Variants in LYPD2 observed in about 807,000 individuals in gnomAD.
LYPD2 encodes LY6/PLAUR domain containing 2.
In LYPD2, 5 loss-of-function variants were observed where a neutral mutation model predicts 7.1. The ratio of observed to expected loss-of-function variants is 0.70; its 90% CI spans 0.37 to 1.48. The LOEUF (loss-of-function observed/expected upper bound fraction) is 1.48. Ranked by LOEUF, LYPD2 falls within the 40% of genes most tolerant of loss-of-function variation. LYPD2 has a pLI of 0.03. For missense variants in LYPD2, 177 were observed against 171.0 expected (o/e 1.04, Z -0.20); for synonymous variants, 78 against 82.0 (o/e 0.95, Z 0.26).
chr8:142,750,200 G>T lies in LYPD2; in HGVS notation c.*83C>A. On this transcript the variant is annotated 3_prime_UTR_variant, in exon 3 of 3. Transcript: ENST00000359228. ...AGGGCAGGTCTGTGCCCAGAAAGGA[G>T]ACTCAGGAGTCCTGGTGCAGGGGGC... The T allele has an allele frequency of 8.1e-7, 1 of 1,233,364 alleles. No individual in the cohort carries two copies. The highest frequency in any genetic ancestry group is 1.1e-6 in the Non-Finnish European group (1 of 875,974). 76.4% of individuals were successfully genotyped at this position (1,233,364 alleles called of 1,614,324 possible).
At position 142,752,474 on chromosome 8, in the gene LYPD2, C is replaced by T. The variant is rs1011473830; in HGVS notation, c.-23G>A. 6.2e-7 allele frequency: 1 copy of T among 1,612,560 alleles called. No individual in the cohort carries two copies. The highest frequency in any genetic ancestry group is 1.7e-5 in the Admixed American group (1 of 59,974). On this transcript the variant is annotated 5_prime_UTR_variant, in exon 1 of 3. Coordinates refer to ENST00000359228, the MANE Select transcript of LYPD2 (RefSeq NM_205545.3). The stretch of plus-strand genomic sequence containing the variant: ...CATGGTCCCGGCCCACTCCTCTGTG[C>T]TCTCACCCCAGGCTTGCCTGGCGGG...
Position 142,751,108 on chromosome 8 carries a change from C to A in LYPD2, c.121G>T (p.Ala41Ser), listed in dbSNP as rs192544170. 1.2e-6 allele frequency: 2 copies of A among 1,614,162 alleles called. No homozygotes were observed. Among genetic ancestry groups the A allele is most frequent in the East Asian group, 4.5e-5 (2 of 44,882 alleles). ...PTGVSDCVTI[A>S]TCTTNETMCK... ...ATGGTTTCGTTGGTGGTGCAGGTGG[C>A]GATGGTGACACAGTCCGACACTCCT... Residue 41 changes from alanine (A) to serine (S), a missense_variant, in exon 2 of 3, where the codon GCC (alanine) becomes TCC (serine). Coordinates refer to ENST00000359228, the MANE Select transcript of LYPD2 (RefSeq NM_205545.3).
chr8:142,751,940 C>T (rs896776769), intron 1 of LYPD2, among the ~76,000 whole-genome samples: 2 of 152,150 alleles, frequency 1.3e-5, no homozygotes, highest in African/African-American at 2.4e-5. Context: ...GAGTCCAGGA[C>T]ATTGCCCCTG....
intron 1 of LYPD2, among the ~76,000 whole-genome samples, chr8:142,752,166 C>T (rs11778227): frequency 0.18 from 27,919 of 151,924 alleles, 2,705 homozygotes; most frequent in East Asian, 0.39. Context: ...CCGCCCACCT[C>T]GAAGGCCACC....
intron 1 of LYPD2, among the ~76,000 whole-genome samples, chr8:142,751,838 C>T (rs990229267): frequency 1.3e-5 from 2 of 152,208 alleles, no homozygotes; most frequent in Non-Finnish European, 2.9e-5. Flanking sequence ...TGTGGGGATG[C>T]AGCGGGGCCT....
At chr8:142,751,290 C>T in intron 1 of LYPD2, 120 bp from the exon 2 acceptor site, 1 of 1,352,500 alleles carries the variant, frequency 7.4e-7, no homozygotes, top group South Asian at 1.4e-5. Context: ...GAGATGCCTA[C>T]CAGCCAAAAC....
At chr8:142,750,552 C>T in intron 2 of LYPD2, 70 bp from the exon 3 acceptor site, 1 of 1,452,388 alleles carries the variant, frequency 6.9e-7, no homozygotes, top group South Asian at 1.2e-5. Flanking sequence ...CTGCCAGTAC[C>T]ACCTCATGCA....
intron 2 of LYPD2, 108 bp from the exon 3 acceptor site, chr8:142,750,590 G>C: frequency 9.2e-7 from 1 of 1,089,608 alleles, no homozygotes; most frequent in Non-Finnish European, 1.3e-6. Flanking sequence ...ACCCACCCGG[G>C]TCTCCGTCCC....
At chr8:142,750,929 C>T (rs1461370242) in intron 2 of LYPD2, 122 bp downstream of exon 2, 23 of 1,535,884 alleles carry the variant, frequency 1.5e-5, no homozygotes, top group Admixed American at 5.2e-5. Context: ...TGGCTCTGAC[C>T]GGGAACCCAG....
intron 1 of LYPD2, 33 bp from the exon 2 acceptor site, chr8:142,751,203 C>T: frequency 6.2e-7 from 1 of 1,610,452 alleles, no homozygotes; most frequent in Non-Finnish European, 8.5e-7. Context: ...GTCAGGCAGG[C>T]TCCACCCCTC....
chr8:142,750,507 C>T (rs776157450), intron 2 of LYPD2, 25 bp from the exon 3 acceptor site: 26 of 1,559,450 alleles, frequency 1.7e-5, no homozygotes, highest in African/African-American at 4.1e-5. Flanking sequence ...AAGAGTCAGC[C>T]GTCAGGGCTG....
In LYPD2 at chr8:142,750,343, A is replaced by C; in HGVS notation, c.318T>G (p.Ala106=). 1 of 1,557,426 alleles carries C rather than the reference A, an allele frequency of 6.4e-7. No individual in the cohort carries two copies. The highest frequency in any genetic ancestry group is 8.7e-7 in the Non-Finnish European group (1 of 1,150,576). ...GGGCCCCGCAGTGGAGGCTGTTCAG[A>C]GCGGGCGCCCCGTCTACATTGCACA... is the stretch of plus-strand genomic sequence containing the variant. ...TELCNVDGAP[A]LNSLHCGALT... Residue 106 remains alanine (A), a synonymous_variant, in exon 3 of 3, where the codon GCT becomes GCG. Coordinates refer to ENST00000359228, the MANE Select transcript of LYPD2 (RefSeq NM_205545.3).
In LYPD2 at chr8:142,751,306, A is replaced by G. The variant is rs1814711452; in HGVS notation, c.59-136T>C. ...AGATGCCTACCAGCCAAAACTCAGG[A>G]GCAATGCCAGGAGCCTGCAGCTGGG... On this transcript the variant is annotated intron_variant, in intron 1 of 2. Coordinates refer to ENST00000359228, the MANE Select transcript of LYPD2 (RefSeq NM_205545.3). 2.5e-6 allele frequency: 3 copies of G among 1,224,270 alleles called. No homozygotes were observed. The South Asian group carries it at 4.6e-5, about 19-fold the overall frequency. The allele number at this position is 1,224,270 out of a possible 1,614,324, so 75.8% of individuals were successfully genotyped here.
intron 1 of LYPD2, among the ~76,000 whole-genome samples, chr8:142,751,677 G>GC (rs1814717453): frequency 6.6e-6 from 1 of 151,960 alleles, no homozygotes; most frequent in South Asian, 2.1e-4. Flanking sequence ...ACAGGGACTT[G>GC]CAGACCGGCA....
intron 1 of LYPD2, among the ~76,000 whole-genome samples, chr8:142,751,829 G>T (rs937896939): frequency 6.6e-6 from 1 of 152,212 alleles, no homozygotes; most frequent in Non-Finnish European, 1.5e-5. Flanking sequence ...TGTCCCCACT[G>T]TGGGGATGCA....
chr8:142,752,438 C>A lies in LYPD2; in HGVS notation c.14G>T (p.Arg5Leu). 6.2e-7 allele frequency: 1 copy of A among 1,613,266 alleles called. No individual in the cohort carries two copies. Among genetic ancestry groups the A allele is most frequent in the Non-Finnish European group, 8.5e-7 (1 of 1,179,738 alleles). Residue 5 changes from arginine to leucine, a missense_variant, in exon 1 of 3, where the codon CGG becomes CTG. Arg to Leu is a moderately radical substitution (Grantham distance 102, BLOSUM62 -2). Coordinates refer to ENST00000359228, the MANE Select transcript of LYPD2 (RefSeq NM_205545.3). Reference sequence around the variant, plus strand: ...CAGCACCAGCGCCAGGAGCGCCAGCCGCGTCCCCCGCATGGTCCCGGCCCA... The same window carrying A: ...CAGCACCAGCGCCAGGAGCGCCAGCAGCGTCCCCCGCATGGTCCCGGCCCA... MRGT[R>L]LALLALVLAA...
intron 2 of LYPD2, among the ~76,000 whole-genome samples, chr8:142,750,801 G>C (rs1814693390): frequency 6.6e-6 from 1 of 152,272 alleles, no homozygotes; most frequent in African/African-American, 2.4e-5. Flanking sequence ...ATGAGGGAGA[G>C]AGGAAGGAAG....
At position 142,751,148 on chromosome 8, in the gene LYPD2, G is replaced by A; in HGVS notation, c.81C>T (p.Val27=). 6.2e-7 allele frequency: 1 copy of A among 1,614,144 alleles called. No homozygotes were observed. ...GELAPALRCY[V]CPEPTGVSDC... ...CCGACACTCCTGTGGGCTCCGGACA[G>A]ACGTAGCAGCGCAGGGCCGGCGCTG... The change falls in exon 2 of 3, where the codon GTC becomes GTT. Residue 27 remains valine, a synonymous_variant. Coordinates refer to ENST00000359228, the MANE Select transcript of LYPD2 (RefSeq NM_205545.3).
At chr8:142,751,755 C>T (rs1814719215) in intron 1 of LYPD2, among the ~76,000 whole-genome samples, 2 of 152,166 alleles carry the variant, frequency 1.3e-5, no homozygotes, top group Non-Finnish European at 2.9e-5. Flanking sequence ...CGCAGCAGCC[C>T]AGGTGGGTCT....
Sources: gnomAD v4.1 joint callset for allele counts (sites outside exome capture counted in the v4.1 genomes callset) on GRCh38, gnomAD v4.1.1 for gene constraint, MANE v1.5 for transcripts, NCBI Gene and HGNC (gene_info 2026-07-23, HGNC 2026-07-21) for gene names.